RASGRF2: variants seen among roughly 807,000 people sequenced by gnomAD.
RASGRF2 encodes the protein Ras protein specific guanine nucleotide releasing factor 2, also known as ras-specific guanine nucleotide-releasing factor 2.
In RASGRF2, 76 loss-of-function variants were observed where a neutral mutation model predicts 151.0. The observed-to-expected ratio is 0.50, with a 90% CI of 0.42 to 0.61. The LOEUF is 0.61. Ranked by LOEUF, RASGRF2 falls within the 20% of genes least tolerant of loss-of-function variation. The pLI is 0.00. For missense variants in RASGRF2, 1,148 were observed against 1,564.6 expected, an observed-to-expected ratio of 0.73 and a Z score of 4.49; for synonymous variants, 504 against 566.5, an observed-to-expected ratio of 0.89 and a Z score of 1.57.
chr5:81,222,004 A>G (rs1755866743), intron 26 of RASGRF2, among the ~76,000 whole-genome samples: 1 of 152,148 alleles, frequency 6.6e-6, no homozygotes, highest in Admixed American at 6.5e-5. Flanking sequence ...AGGGGGAGAA[A>G]AAAGATGCTC....
chr5:81,170,624 C>A (rs552368491), intron 17 of RASGRF2, among the ~76,000 whole-genome samples: 2 of 152,300 alleles, frequency 1.3e-5, no homozygotes, highest in Middle Eastern at 3.4e-3. Context: ...TCTCTTCATT[C>A]ATGTCCCAAC....
chr5:81,056,902 T>C (rs529136030), intron 2 of RASGRF2, among the ~76,000 whole-genome samples: 1 of 152,314 alleles, frequency 6.6e-6, no homozygotes, highest in East Asian at 1.9e-4. Flanking sequence ...TTGTCTCTTT[T>C]GATCTTTGTT....
intron 1 of RASGRF2, among the ~76,000 whole-genome samples, chr5:81,037,795 A>G (rs892115033): frequency 6.6e-6 from 1 of 152,202 alleles, no homozygotes; most frequent in Non-Finnish European, 1.5e-5. Flanking sequence ...AAGAAGAAAA[A>G]TTCAGTTGAA....
At position 81,049,784 on chromosome 5, in the gene RASGRF2, G is replaced by A. The variant is rs1750952854; in HGVS notation, c.395+6801G>A. ...CCTGAGGGCCACCAGTCTAGTAAAC[G>A]ATAGAGCTGGAATCAAGTCCTGGGC... On this transcript the variant is annotated intron_variant, in intron 2 of 26. Coordinates refer to ENST00000265080, the MANE Select transcript of RASGRF2 (RefSeq NM_006909.3). Among the ~76,000 whole-genome samples the A allele has an allele frequency of 3.3e-5, 5 of 152,134 alleles. No individual in the cohort carries two copies. The South Asian group carries it at 8.3e-4, about 25-fold the overall frequency.
chr5:81,079,041 ACTGACTTT>A (rs1273691959), intron 5 of RASGRF2, among the ~76,000 whole-genome samples: 1 of 152,232 alleles, frequency 6.6e-6, no homozygotes, highest in Non-Finnish European at 1.5e-5. Context: ...CATCGCCATG[ACTGACTTT>A]CAGCCATAGG....
At chr5:81,121,081 A>G (rs1391922330) in intron 15 of RASGRF2, among the ~76,000 whole-genome samples, 21 of 152,110 alleles carry the variant, frequency 1.4e-4, no homozygotes, top group Admixed American at 1.4e-3. Context: ...CTACTTCAGC[A>G]TGAGTCTGAA....
At chr5:81,173,697 G>A (rs1012815625) in intron 17 of RASGRF2, among the ~76,000 whole-genome samples, 1 of 152,164 alleles carries the variant, frequency 6.6e-6, no homozygotes, top group African/African-American at 2.4e-5. Context: ...TGGGCAATAG[G>A]GAGACATGAG....
chr5:81,126,875 T>A (rs1440387103), intron 16 of RASGRF2, among the ~76,000 whole-genome samples, 199 bp from the exon 17 acceptor site: 1 of 152,236 alleles, frequency 6.6e-6, no homozygotes, highest in African/African-American at 2.4e-5. Flanking sequence ...TGTGTGTAGA[T>A]GTATGCTTTC....
intron 1 of RASGRF2, among the ~76,000 whole-genome samples, chr5:80,965,415 A>G (rs1257092071): frequency 6.6e-6 from 1 of 152,168 alleles, no homozygotes; most frequent in East Asian, 1.9e-4. Flanking sequence ...AAACTTTGTA[A>G]TTATCCTTCT....
intron 1 of RASGRF2, among the ~76,000 whole-genome samples, chr5:81,040,507 G>A (rs548263497): frequency 1.3e-5 from 2 of 152,346 alleles, no homozygotes; most frequent in South Asian, 4.1e-4. Context: ...TTATCCTGGT[G>A]TATGGTAGAG....
chr5:81,209,079 C>T (rs1038247242), intron 22 of RASGRF2, among the ~76,000 whole-genome samples: 1 of 152,124 alleles, frequency 6.6e-6, no homozygotes, highest in Non-Finnish European at 1.5e-5. Context: ...GTGTCACTGG[C>T]CCCTGGTGGT....
intron 10 of RASGRF2, among the ~76,000 whole-genome samples, chr5:81,093,765 C>T (rs550821130): frequency 2.6e-5 from 4 of 152,064 alleles, no homozygotes; most frequent in African/African-American, 7.2e-5. Context: ...CACAGCCATG[C>T]GCATGTCTTT....
intron 1 of RASGRF2, among the ~76,000 whole-genome samples, chr5:81,021,591 G>T (rs1338637423): frequency 3.9e-5 from 6 of 151,960 alleles, no homozygotes; most frequent in African/African-American, 1.5e-4. Context: ...TCTATCAGAG[G>T]GTGAGGCAGG....
chr5:81,123,509 A>G, intron 15 of RASGRF2, 133 bp from the exon 16 acceptor site: 6 of 1,119,186 alleles, frequency 5.4e-6, no homozygotes, highest in Non-Finnish European at 7.6e-6. Flanking sequence ...TTAGTACTTG[A>G]CTTGATTTCA....
intron 1 of RASGRF2, among the ~76,000 whole-genome samples, chr5:81,020,015 T>C (rs1749774418): frequency 6.6e-6 from 1 of 152,222 alleles, no homozygotes; most frequent in Non-Finnish European, 1.5e-5. Context: ...GTTACATTTG[T>C]TCTCTGTAAA....
chr5:81,055,109 AC>A (rs1247961214), intron 2 of RASGRF2, among the ~76,000 whole-genome samples: 1 of 152,112 alleles, frequency 6.6e-6, no homozygotes, highest in East Asian at 1.9e-4. Flanking sequence ...CTAATTGAAT[AC>A]CCTTTATTTC....
intron 19 of RASGRF2, among the ~76,000 whole-genome samples, chr5:81,202,849 G>A (rs2112716859): frequency 6.6e-6 from 1 of 152,352 alleles, no homozygotes; most frequent in South Asian, 2.1e-4. Context: ...AAGATCGCTG[G>A]CAAACCACCA....
intron 17 of RASGRF2, among the ~76,000 whole-genome samples, chr5:81,177,901 GGAA>G (rs1370632195): frequency 1.3e-5 from 2 of 152,200 alleles, no homozygotes; most frequent in African/African-American, 2.4e-5. Flanking sequence ...GTGGTGAAAT[GGAA>G]GAAGGAGAGA....
chr5:81,119,116 T>C (rs1471384523), intron 15 of RASGRF2, among the ~76,000 whole-genome samples: 1 of 152,226 alleles, frequency 6.6e-6, no homozygotes, highest in Non-Finnish European at 1.5e-5. Flanking sequence ...ACAGGCTTTC[T>C]CTAGCCCATT....
Sources: allele counts gnomAD v4.1 joint callset (sites outside exome capture counted in the v4.1 genomes callset), GRCh38; gene constraint gnomAD v4.1.1; transcripts MANE v1.5; gene names NCBI Gene and HGNC (gene_info 2026-07-23, HGNC 2026-07-21).